Variants in ONECUT2 observed in about 807,000 individuals in gnomAD.
The protein encoded by ONECUT2 is one cut domain family member 2.
In ONECUT2, 10 loss-of-function variants were observed where a neutral mutation model predicts 27.9. The ratio of observed to expected loss-of-function variants is 0.36; its 90% confidence interval spans 0.22 to 0.61. The LOEUF is 0.61. Ranked by LOEUF, ONECUT2 falls within the 20% of genes least tolerant of loss-of-function variation. The pLI is 0.73. For missense variants in ONECUT2, 686 were observed against 721.0 expected (o/e 0.95, Z 0.56); for synonymous variants, 334 against 315.1 (o/e 1.06, Z -0.64).
chr18:57,445,549 TG>T (rs1440341338), intron 1 of ONECUT2, among the ~76,000 whole-genome samples: 3 of 152,210 alleles, frequency 2.0e-5, no homozygotes, highest in Admixed American at 6.5e-5. Context: ...TCTCTTGGGT[TG>T]TTTTTGTACA....
chr18:57,473,722 T>C (rs1427724722), intron 1 of ONECUT2, among the ~76,000 whole-genome samples: 5 of 152,204 alleles, frequency 3.3e-5, no homozygotes, highest in Non-Finnish European at 1.5e-5. Flanking sequence ...TGCGTTTTGA[T>C]GAGCCCTCCA....
At chr18:57,468,661 G>A (rs2050337542) in intron 1 of ONECUT2, among the ~76,000 whole-genome samples, 1 of 152,168 alleles carries the variant, frequency 6.6e-6, no homozygotes, top group Non-Finnish European at 1.5e-5. Flanking sequence ...TAGAGCCTGA[G>A]CCCCAAGTCT....
At chr18:57,448,411 G>A (rs2050212532) in intron 1 of ONECUT2, among the ~76,000 whole-genome samples, 1 of 152,100 alleles carries the variant, frequency 6.6e-6, no homozygotes, top group Admixed American at 6.5e-5. Flanking sequence ...AAACAAACCT[G>A]GTAGAGCATT....
At position 57,477,374 on chromosome 18, in the gene ONECUT2, T is replaced by A. The variant is rs1262701183; in HGVS notation, c.*651T>A. On this transcript the variant is annotated 3_prime_UTR_variant, in exon 2 of 2. Transcript: ENST00000491143. The stretch of plus-strand genomic sequence containing the variant: ...ACCCAGACATCTTTTCATTGAATGA[T>A]TTAGAAAGCTTTAAGTTGATCCAGC... 6.6e-6 allele frequency: 1 copy of A among 152,212 alleles called. No individual in the cohort carries two copies. The highest frequency in any genetic ancestry group is 1.5e-5 in the Non-Finnish European group (1 of 68,006). The allele number at this position is 152,212 out of a possible 1,614,324, so 9.4% of individuals were successfully genotyped here.
chr18:57,455,439 C>T (rs570465075), intron 1 of ONECUT2, among the ~76,000 whole-genome samples: 1 of 152,226 alleles, frequency 6.6e-6, no homozygotes, highest in African/African-American at 2.4e-5. Context: ...ATTAATTGTC[C>T]TAGTGGTTTC....
At chr18:57,445,490 C>A (rs2050196621) in intron 1 of ONECUT2, among the ~76,000 whole-genome samples, 1 of 152,118 alleles carries the variant, frequency 6.6e-6, no homozygotes, top group Non-Finnish European at 1.5e-5. Flanking sequence ...AAATAACATC[C>A]ATTTGTGATT....
At chr18:57,442,664 G>A (rs1204641435) in intron 1 of ONECUT2, among the ~76,000 whole-genome samples, 1 of 152,126 alleles carries the variant, frequency 6.6e-6, no homozygotes, top group Non-Finnish European at 1.5e-5. Context: ...AAGACTCCTA[G>A]GCCCTGGGAG....
At position 57,469,460 on chromosome 18, in the gene ONECUT2, C is replaced by T. The variant is rs146661270; in HGVS notation, c.1229-6977C>T. Reference sequence around the variant, plus strand: ...CATTATTTATTAGGGGCTAACAATACCCATCATATGTAGATGATATTGATA... The same window carrying T: ...CATTATTTATTAGGGGCTAACAATATCCATCATATGTAGATGATATTGATA... On this transcript the variant is annotated intron_variant, in intron 1 of 1. Transcript: ENST00000491143. Among the ~76,000 whole-genome samples the T allele has an allele frequency of 3.2e-4, 48 of 152,268 alleles. No homozygotes were observed. The East Asian group carries it at 7.1e-3, about 23-fold the overall frequency.
rs957125004 is a variant in ONECUT2, at chr18:57,435,640, G to A, written c.-77G>A. 5.7e-5 allele frequency: 51 copies of A among 887,242 alleles called. No individual in the cohort carries two copies. The African/African-American group carries it at 8.0e-4, about 14-fold the overall frequency. The allele number at this position is 887,242 out of a possible 1,614,324, so 55.0% of individuals were successfully genotyped here. On this transcript the variant is annotated 5_prime_UTR_variant, in exon 1 of 2. Transcript: ENST00000491143. ...CGCGCCCGCCCCCACTCCCGCAGCC[G>A]AGCCCCGCCACGCGCGCCTTGCCCG...
intron 1 of ONECUT2, among the ~76,000 whole-genome samples, chr18:57,439,022 G>A (rs976290743): frequency 2.0e-5 from 3 of 152,182 alleles, no homozygotes; most frequent in African/African-American, 7.2e-5. Context: ...TTAAAGGCAG[G>A]ATGACAGCTA....
chr18:57,462,484 CA>C (rs2050297374), intron 1 of ONECUT2, among the ~76,000 whole-genome samples: 1 of 152,138 alleles, frequency 6.6e-6, no homozygotes, highest in Admixed American at 6.5e-5. Context: ...CTCCTGGGCT[CA>C]GGCAGTCCTC....
rs991010629 is a variant in ONECUT2 at position 57,481,078 on chromosome 18, G to T, written c.*4355G>T. The T allele has an allele frequency of 1.3e-5, 2 of 151,866 alleles. No homozygotes were observed. The highest frequency in any genetic ancestry group is 2.9e-5 in the Non-Finnish European group (2 of 67,964). 9.4% of individuals were successfully genotyped at this position (151,866 alleles called of 1,614,324 possible). A position where few individuals can be genotyped will look rare whatever the true frequency, so the allele number is the denominator to read the frequency against. The stretch of plus-strand genomic sequence containing the variant: ...ACACAAATAGGCTTGCATTGTTTTT[G>T]TTTTAATGTGATTTTGGTACTAGGG... On this transcript the variant is annotated 3_prime_UTR_variant, in exon 2 of 2. Transcript: ENST00000491143.
At chr18:57,458,820 G>A (rs1034814828) in intron 1 of ONECUT2, among the ~76,000 whole-genome samples, 82 of 151,976 alleles carry the variant, frequency 5.4e-4, no homozygotes, top group African/African-American at 1.9e-3. Context: ...TTCGAAATTG[G>A]CTCCCCATCA....
intron 1 of ONECUT2, among the ~76,000 whole-genome samples, chr18:57,445,813 A>G (rs886628870): frequency 1.3e-5 from 2 of 152,228 alleles, no homozygotes; most frequent in Non-Finnish European, 2.9e-5. Context: ...TCACTTGTTT[A>G]AAAAACCAAA....
At chr18:57,455,537 T>G (rs1311716959) in intron 1 of ONECUT2, among the ~76,000 whole-genome samples, 2 of 152,192 alleles carry the variant, frequency 1.3e-5, no homozygotes, top group East Asian at 3.8e-4. Flanking sequence ...ACTTGGTGAT[T>G]CATTACTCTC....
intron 1 of ONECUT2, among the ~76,000 whole-genome samples, chr18:57,465,679 T>C (rs747371210): frequency 6.6e-6 from 1 of 152,242 alleles, no homozygotes; most frequent in Non-Finnish European, 1.5e-5. Flanking sequence ...TGTCTTCTAC[T>C]ATTTTTTCAA....
chr18:57,442,500 C>T (rs1040208394), intron 1 of ONECUT2, among the ~76,000 whole-genome samples: 2 of 152,170 alleles, frequency 1.3e-5, no homozygotes, highest in African/African-American at 4.8e-5. Flanking sequence ...AGCTTTGGTA[C>T]ACCACCTTGG....
chr18:57,467,410 G>A (rs554893957), intron 1 of ONECUT2, among the ~76,000 whole-genome samples: 10 of 152,020 alleles, frequency 6.6e-5, no homozygotes, highest in Non-Finnish European at 1.2e-4. Flanking sequence ...CTGTCACCCA[G>A]GCGGGAGCGC....
chr18:57,454,992 A>G (rs566432688), intron 1 of ONECUT2, among the ~76,000 whole-genome samples: 1 of 152,350 alleles, frequency 6.6e-6, no homozygotes, highest in South Asian at 2.1e-4. Flanking sequence ...AACTGAGCCA[A>G]CAAAACTCAC....
Sources: allele counts gnomAD v4.1 joint callset (sites outside exome capture counted in the v4.1 genomes callset), GRCh38; gene constraint gnomAD v4.1.1; transcripts MANE v1.5; gene names NCBI Gene and HGNC (gene_info 2026-07-23, HGNC 2026-07-21).